The following DPP6 variants were observed in gnomAD, a reference collection of about 807,000 sequenced individuals.
The protein encoded by DPP6 is A-type potassium channel modulatory protein DPP6.
A neutral mutation model predicts 122.6 loss-of-function variants in DPP6; 69 were observed. The observed-to-expected ratio is 0.56, with a 90% CI of 0.46 to 0.69. The LOEUF (loss-of-function observed/expected upper bound fraction) is 0.69, where lower values mean the gene tolerates loss of function less well. DPP6 is among the 30% of genes least tolerant of loss of function. The pLI, the probability that DPP6 is intolerant of heterozygous loss-of-function variation, is 0.00. For missense variants in DPP6, 928 were observed against 1,116.9 expected, an observed-to-expected ratio of 0.83 and a Z score of 2.41; for synonymous variants, 418 against 433.1, an observed-to-expected ratio of 0.97 and a Z score of 0.43.
chr7:154,365,415 CAA>C (rs1812069629), intron 1 of DPP6, among the ~76,000 whole-genome samples: 1 of 152,178 alleles, frequency 6.6e-6, no homozygotes, highest in South Asian at 2.1e-4. Flanking sequence ...AGCTGAGAAA[CAA>C]AGAACCGGAA....
At chr7:154,313,712 T>TATATATATATAGATATATATGC (rs1554515587) in intron 1 of DPP6, among the ~76,000 whole-genome samples, 1 of 24,914 alleles carries the variant, frequency 4.0e-5, no homozygotes, top group Non-Finnish European at 9.8e-5. Context: ...TATATATATA[T>TATATATATATAGATATATATGC]ATACACACAC....
intron 22 of DPP6, 54 bp from the exon 23 acceptor site, chr7:154,887,622 C>T (rs1402398768): frequency 3.1e-5 from 49 of 1,596,454 alleles, no homozygotes; most frequent in East Asian, 4.5e-5. Context: ...TTGGGGGCTG[C>T]GCTCACAGGG....
rs1304426947 is a variant in DPP6 at position 154,061,192 on chromosome 7, G to A, written c.243+8129G>A. Among the ~76,000 whole-genome samples, 3 of 149,132 alleles carry A rather than the reference G, an allele frequency of 2.0e-5. 1 individual carries two copies. Among genetic ancestry groups the A allele is most frequent in the Non-Finnish European group, 3.0e-5 (2 of 66,474 alleles). On this transcript the variant is annotated intron_variant, in intron 1 of 25. Coordinates refer to ENST00000377770, the MANE Select transcript of DPP6 (RefSeq NM_130797.4). ...TGTAGACTGTGGATCCCAAACTGCA[G>A]TATTAGCCAAGCCTTTGTATGAGGT... is the stretch of plus-strand genomic sequence containing the variant.
At chr7:154,757,974 C>G (rs1019372652) in intron 8 of DPP6, among the ~76,000 whole-genome samples, 14 of 152,098 alleles carry the variant, frequency 9.2e-5, no homozygotes, top group Admixed American at 1.3e-4. Flanking sequence ...CTCTCCCCCC[C>G]GCCCTCTCCC....
intron 19 of DPP6, among the ~76,000 whole-genome samples, chr7:154,874,381 G>A (rs1478400461): frequency 6.6e-6 from 1 of 152,164 alleles, no homozygotes; most frequent in Admixed American, 6.5e-5. Context: ...GGACGGGACC[G>A]GCCAGGCAAC....
the DPP6 span, among the ~76,000 whole-genome samples, chr7:153,776,779 T>C: frequency 6.6e-6 from 1 of 152,206 alleles, no homozygotes; most frequent in African/African-American, 2.4e-5. Flanking sequence ...TAATTAAAAA[T>C]TATAGACTCA....
At chr7:154,109,297 CT>C (rs1806395421) in intron 1 of DPP6, among the ~76,000 whole-genome samples, 1 of 150,728 alleles carries the variant, frequency 6.6e-6, no homozygotes, top group African/African-American at 2.5e-5. Flanking sequence ...TTTCTTTTTT[CT>C]TTTTTCTTTT....
the DPP6 span, among the ~76,000 whole-genome samples, chr7:153,755,080 A>AT: frequency 6.6e-6 from 1 of 151,922 alleles, no homozygotes; most frequent in Non-Finnish European, 1.5e-5. Context: ...ATGTTGAGTG[A>AT]TTTTGAATTT....
At chr7:154,549,191 TC>T (rs1477563182) in intron 4 of DPP6, among the ~76,000 whole-genome samples, 2 of 152,210 alleles carry the variant, frequency 1.3e-5, no homozygotes, top group African/African-American at 2.4e-5. Flanking sequence ...TGAGAATCGA[TC>T]TGGGAAAACA....
chr7:153,762,827 C>A, the DPP6 span, among the ~76,000 whole-genome samples: 1 of 152,114 alleles, frequency 6.6e-6, no homozygotes, highest in Non-Finnish European at 1.5e-5. Context: ...ACAGTCTCTT[C>A]TCTCCTATTT....
At chr7:154,825,789 G>A (rs959413056) in intron 16 of DPP6, among the ~76,000 whole-genome samples, 1 of 152,230 alleles carries the variant, frequency 6.6e-6, no homozygotes, top group Non-Finnish European at 1.5e-5. Flanking sequence ...TTGGCACACA[G>A]CACGTGGAGA....
intron 1 of DPP6, among the ~76,000 whole-genome samples, chr7:154,053,267 C>T (rs1261824159): frequency 2.0e-5 from 3 of 151,382 alleles, no homozygotes; most frequent in African/African-American, 4.8e-5. Context: ...TGTCTGCAGC[C>T]GCGGCGGCCG....
chr7:154,201,904 T>A (rs1799194297), intron 1 of DPP6, among the ~76,000 whole-genome samples: 1 of 152,190 alleles, frequency 6.6e-6, no homozygotes, highest in Non-Finnish European at 1.5e-5. Flanking sequence ...GTTTTTTAAT[T>A]TTTTTTGTTA....
chr7:153,949,920 C>A (rs777707888), intron 1 of DPP6, among the ~76,000 whole-genome samples: 1 of 152,152 alleles, frequency 6.6e-6, no homozygotes, highest in Non-Finnish European at 1.5e-5. Context: ...AGTGGCTACT[C>A]TAGGGGGATC....
At chr7:153,840,791 T>G in the DPP6 span, among the ~76,000 whole-genome samples, 1 of 152,200 alleles carries the variant, frequency 6.6e-6, no homozygotes, top group Admixed American at 6.5e-5. Flanking sequence ...TCAGTAACTG[T>G]TCATCAAAAG....
intron 7 of DPP6, among the ~76,000 whole-genome samples, chr7:154,699,791 G>A (rs544759498): frequency 5.6e-4 from 86 of 152,330 alleles, no homozygotes; most frequent in South Asian, 1.2e-3. Flanking sequence ...CCCCTTATGG[G>A]CAGGGCGACC....
At chr7:154,750,605 G>C (rs1337532977) in intron 8 of DPP6, among the ~76,000 whole-genome samples, 1 of 152,164 alleles carries the variant, frequency 6.6e-6, no homozygotes, top group Non-Finnish European at 1.5e-5. Context: ...GCGGGGGTCG[G>C]CTTCCTCCTC....
intron 4 of DPP6, among the ~76,000 whole-genome samples, chr7:154,543,994 A>C (rs1400991072): frequency 2.0e-5 from 1 of 49,204 alleles, no homozygotes. Context: ...ACTCCATCTC[A>C]AAAAAAAAAA....
At position 154,618,529 on chromosome 7, in the gene DPP6, T is replaced by C. The variant is rs2130839833; in HGVS notation, c.628-19292T>C. On this transcript the variant is annotated intron_variant, in intron 5 of 25. Transcript: ENST00000377770. This position sits in a 1 kb window ranked among gnomAD's most constrained non-coding sequence, Gnocchi z 4.1. ...AGCCTTAGACAATTTCTAGTTTGAC[T>C]CTCATCATATTTTTAATATAGCCCT... Among the ~76,000 whole-genome samples, 1 of 152,252 alleles carries C rather than the reference T, an allele frequency of 6.6e-6. No individual in the cohort carries two copies. The highest frequency in any genetic ancestry group is 1.9e-4 in the East Asian group (1 of 5,170).
Sources: gnomAD v4.1 joint callset for allele counts (sites outside exome capture counted in the v4.1 genomes callset) on GRCh38, gnomAD v4.1.1 for gene constraint, Gnocchi (gnomAD v3.1) non-coding constraint, MANE v1.5 for transcripts, NCBI Gene and HGNC (gene_info 2026-07-23, HGNC 2026-07-21) for gene names.